The following INTS8 variants were observed in gnomAD, a reference collection of about 807,000 sequenced individuals.
INTS8 encodes protein kaonashi-1.
In INTS8, 47 loss-of-function variants were observed where a neutral mutation model predicts 138.9. That is an observed-to-expected ratio of 0.34 (90% CI 0.27 to 0.43). INTS8 has a LOEUF of 0.43. INTS8 is among the 20% of genes least tolerant of loss of function. INTS8 has a pLI of 1.00. For missense variants in INTS8, 996 were observed against 1,173.0 expected (o/e 0.85, Z 2.20); for synonymous variants, 392 against 400.9 (o/e 0.98, Z 0.27).
Position 94,880,333 on chromosome 8 carries a change from G to A in INTS8, c.*99G>A, listed in dbSNP as rs1296397269. 1 of 603,832 alleles carries A rather than the reference G, an allele frequency of 1.7e-6. No individual in the cohort carries two copies. The highest frequency in any genetic ancestry group is 2.9e-6 in the Non-Finnish European group (1 of 348,142). 37.4% of individuals were successfully genotyped at this position (603,832 alleles called of 1,614,324 possible). A position where few individuals can be genotyped will look rare whatever the true frequency, so the allele number is the denominator to read the frequency against. On this transcript the variant is annotated 3_prime_UTR_variant, in exon 27 of 27. Coordinates refer to ENST00000523731, the MANE Select transcript of INTS8 (RefSeq NM_017864.4). ...TATAATACATATGTACACAATTAGT[G>A]GTGTTTTCTTTTCAGACAAAATACT...
chr8:94,851,826 A>C (rs745333722), intron 13 of INTS8, 140 bp downstream of exon 13: 11 of 548,406 alleles, frequency 2.0e-5, no homozygotes, highest in Middle Eastern at 8.3e-4. Context: ...ACATAATTGC[A>C]TTTTTAACAT....
rs768643864 is a variant in INTS8, at chr8:94,873,424, G to A, written c.2584G>A (p.Val862Met). ...TCACTATTACCTCCAGGCAGGAGCTGTGTGTTCTGACTTCTTTAACAAGGC... is the reference window on the plus strand; with the variant it reads ...TCACTATTACCTCCAGGCAGGAGCTATGTGTTCTGACTTCTTTAACAAGGC... The part of the protein sequence containing the change: ...ALHYYLQAGA[V>M]CSDFFNKAVP... Residue 862 changes from valine to methionine, a missense_variant, in exon 22 of 27, where the codon GTG becomes ATG. Transcript: ENST00000523731. 5 of 1,614,068 alleles carry A rather than the reference G, an allele frequency of 3.1e-6. No individual in the cohort carries two copies. Among genetic ancestry groups the A allele is most frequent in the Non-Finnish European group, 4.2e-6 (5 of 1,179,924 alleles).
At chr8:94,832,772 A>C (rs1814772831) in intron 6 of INTS8, among the ~76,000 whole-genome samples, 1 of 151,868 alleles carries the variant, frequency 6.6e-6, no homozygotes, top group Admixed American at 6.6e-5. Context: ...CTCCTGCCTG[A>C]GCCTCCCGAG....
chr8:94,871,286 G>A (rs1480283787), intron 20 of INTS8, among the ~76,000 whole-genome samples: 2 of 148,306 alleles, frequency 1.3e-5, no homozygotes, highest in East Asian at 4.0e-4. Context: ...GGCCAACATG[G>A]TGAAACCCCG....
chr8:94,837,259 G>T (rs1357269421), intron 7 of INTS8, among the ~76,000 whole-genome samples: 1 of 151,786 alleles, frequency 6.6e-6, no homozygotes, highest in East Asian at 1.9e-4. Context: ...TCCTAATATG[G>T]GTAAACATTT....
Position 94,832,068 on chromosome 8 carries a change from C to T in INTS8, c.647C>T (p.Thr216Met). ...TTAAACAAGGATCTTTATGTCCATA[C>T]GATGAGAACTCTAGATTTATTGGCC... ...LKLNKDLYVH[T>M]MRTLDLLAME... Residue 216 changes from threonine to methionine, a missense_variant, in exon 6 of 27, where the codon ACG becomes ATG. By Grantham distance (81) the Thr-to-Met change is moderately conservative. Coordinates refer to ENST00000523731, the MANE Select transcript of INTS8 (RefSeq NM_017864.4). 2.5e-6 allele frequency: 4 copies of T among 1,613,340 alleles called. No individual in the cohort carries two copies. Among genetic ancestry groups the T allele is most frequent in the South Asian group, 1.1e-5 (1 of 90,990 alleles).
intron 10 of INTS8, among the ~76,000 whole-genome samples, chr8:94,847,731 A>C (rs1815382979): frequency 6.6e-6 from 1 of 152,158 alleles, no homozygotes. Context: ...TGAAATTCAC[A>C]TAACATGATC....
At chr8:94,875,760 A>G (rs1816544905) in intron 23 of INTS8, among the ~76,000 whole-genome samples, 1 of 152,176 alleles carries the variant, frequency 6.6e-6, no homozygotes, top group Admixed American at 6.5e-5. Flanking sequence ...GTTTAATTGC[A>G]CACTCTGTAT....
chr8:94,849,321 T>A, intron 10 of INTS8, 141 bp from the exon 11 acceptor site: 1 of 609,346 alleles, frequency 1.6e-6, no homozygotes, highest in Non-Finnish European at 2.9e-6. Flanking sequence ...TGGTCTCTTC[T>A]GTTAAGTTAC....
At chr8:94,844,537 G>A (rs572784292) in intron 10 of INTS8, among the ~76,000 whole-genome samples, 1 of 151,998 alleles carries the variant, frequency 6.6e-6, no homozygotes, top group East Asian at 2.0e-4. Flanking sequence ...GGCTGGTCTT[G>A]AACTCCTGAC....
At chr8:94,867,061 A>T in intron 18 of INTS8, 79 bp from the exon 19 acceptor site, 1 of 1,062,004 alleles carries the variant, frequency 9.4e-7, no homozygotes, top group South Asian at 1.5e-5. Flanking sequence ...AGAATGCTTG[A>T]TGTCTGTGAG....
At chr8:94,863,043 C>A (rs1242217042) in intron 16 of INTS8, among the ~76,000 whole-genome samples, 1 of 152,118 alleles carries the variant, frequency 6.6e-6, no homozygotes, top group African/African-American at 2.4e-5. Context: ...CTAAAATATA[C>A]CCTTTTGAAA....
At chr8:94,869,801 GT>G (rs1259626963) in intron 20 of INTS8, among the ~76,000 whole-genome samples, 2 of 152,148 alleles carry the variant, frequency 1.3e-5, no homozygotes, top group Non-Finnish European at 2.9e-5. Flanking sequence ...TAATGGTTGT[GT>G]TTTTTAGCCT....
intron 1 of INTS8, 23 bp from the exon 2 acceptor site, chr8:94,824,870 A>G (rs112456957): frequency 3.4e-6 from 5 of 1,487,772 alleles, no homozygotes; most frequent in Non-Finnish European, 4.5e-6. Flanking sequence ...AAATTTAAGA[A>G]TTTATTTTCT....
At chr8:94,862,966 G>A (rs1266680559) in intron 16 of INTS8, among the ~76,000 whole-genome samples, 1 of 152,088 alleles carries the variant, frequency 6.6e-6, no homozygotes, top group African/African-American at 2.4e-5. Context: ...CTGTTACATA[G>A]GAACATATTT....
rs1816820133 is a variant in INTS8, at chr8:94,881,677, A to G, written c.*1443A>G. On this transcript the variant is annotated 3_prime_UTR_variant, in exon 27 of 27. Transcript: ENST00000523731. ...TTTCAGTGCTCTTCGGTGGTGTCAT[A>G]ATGCCTCCATTGCACACTGGTGACA... The G allele has an allele frequency of 6.2e-7, 1 of 1,613,874 alleles. No homozygotes were observed. Among genetic ancestry groups the G allele is most frequent in the Non-Finnish European group, 8.5e-7 (1 of 1,179,870 alleles).
rs749882203 is a variant in INTS8, at chr8:94,871,943, C to T, written c.2474C>T (p.Thr825Ile). Residue 825 changes from threonine to isoleucine, a missense_variant, in exon 21 of 27, where the codon ACA (threonine) becomes ATA (isoleucine). Physicochemically the swap from Thr to Ile is moderately conservative, Grantham distance 89 (BLOSUM62 -1). Transcript: ENST00000523731. ...ACAGTGAAAGAGCTAGTTCGATATA[C>T]ACTCAGTATAAATCCAAATAACCAT... The part of the protein sequence containing the change: ...AITVKELVRY[T>I]LSINPNNHSW... 2 of 1,609,288 alleles carry T rather than the reference C, an allele frequency of 1.2e-6. No homozygotes were observed. The highest frequency in any genetic ancestry group is 1.1e-5 in the South Asian group (1 of 90,772).
chr8:94,865,720 G>T (rs777968545), intron 17 of INTS8, 30 bp downstream of exon 17: 1 of 1,578,996 alleles, frequency 6.3e-7, no homozygotes, highest in South Asian at 1.1e-5. Flanking sequence ...TATTAGTTGT[G>T]TTTGAGTTCT....
chr8:94,851,567 A>C lies in INTS8; in HGVS notation c.1522A>C (p.Asn508His). Residue 508 changes from asparagine to histidine, a missense_variant, in exon 13 of 27, where the codon AAC (asparagine) becomes CAC (histidine). Physicochemically the swap from Asn to His is moderately conservative, Grantham distance 68. Coordinates refer to ENST00000523731, the MANE Select transcript of INTS8 (RefSeq NM_017864.4). ...FYDIPASASV[N>H]IGQLEHQLIL... is the part of the protein sequence containing the mutation. Reference sequence around the variant, plus strand: ...TCTTTTTTTAGCTTCAGCAAGTGTCAACATTGGTCAGTTAGAGCATCAACT... The same window carrying C: ...TCTTTTTTTAGCTTCAGCAAGTGTCCACATTGGTCAGTTAGAGCATCAACT... The C allele has an allele frequency of 6.3e-7, 1 of 1,579,540 alleles. No homozygotes were observed. Among genetic ancestry groups the C allele is most frequent in the Non-Finnish European group, 8.6e-7 (1 of 1,167,708 alleles).
Sources: allele counts gnomAD v4.1 joint callset (sites outside exome capture counted in the v4.1 genomes callset), GRCh38; gene constraint gnomAD v4.1.1; transcripts MANE v1.5; gene names NCBI Gene and HGNC (gene_info 2026-07-23, HGNC 2026-07-21).